Variants in BNIP3 observed in about 807,000 individuals in gnomAD.
The protein encoded by BNIP3 is BCL2/adenovirus E1B 19 kDa protein-interacting protein 3.
BNIP3 carries 16 observed loss-of-function variants against 23.9 expected under a neutral mutation model. The ratio of observed to expected loss-of-function variants is 0.67; its 90% CI spans 0.45 to 1.01. The LOEUF (loss-of-function observed/expected upper bound fraction) is 1.01, where lower values mean the gene tolerates loss of function less well. Among genes scored for constraint, BNIP3 ranks in the 50% least tolerant of loss-of-function variants. The pLI is 0.00. For missense variants in BNIP3, 198 were observed against 248.7 expected (o/e 0.80, Z 1.37); for synonymous variants, 81 against 89.3 (o/e 0.91, Z 0.53).
chr10:131,973,740 A>T, intron 2 of BNIP3, 53 bp downstream of exon 2: 1 of 1,596,316 alleles, frequency 6.3e-7, no homozygotes, highest in Non-Finnish European at 8.6e-7. Context: ...TGTGACTGTC[A>T]CCCACTGAAG....
intron 3 of BNIP3, 77 bp downstream of exon 3, chr10:131,972,957 C>G (rs1035565006): frequency 1.4e-6 from 2 of 1,420,472 alleles, no homozygotes; most frequent in African/African-American, 2.8e-5. Flanking sequence ...CTGAGGTGCT[C>G]AATTACATTT....
chr10:131,978,205 CA>C (rs2037094263), intron 1 of BNIP3, among the ~76,000 whole-genome samples: 1 of 152,038 alleles, frequency 6.6e-6, no homozygotes, highest in African/African-American at 2.4e-5. Flanking sequence ...ACATTGCTAA[CA>C]AGACACACAG....
intron 2 of BNIP3, 143 bp from the exon 3 acceptor site, chr10:131,973,261 A>C: frequency 1.3e-6 from 1 of 773,360 alleles, no homozygotes. Context: ...TCCACCCAGC[A>C]CCTGCCAGAG....
At chr10:131,975,411 C>T (rs2037072338) in intron 1 of BNIP3, among the ~76,000 whole-genome samples, 1 of 152,196 alleles carries the variant, frequency 6.6e-6, no homozygotes, top group Non-Finnish European at 1.5e-5. Flanking sequence ...CCACAAAAGA[C>T]AGGGAAACTT....
intron 3 of BNIP3, among the ~76,000 whole-genome samples, chr10:131,972,021 C>T (rs1263043429): frequency 3.5e-5 from 4 of 114,570 alleles, no homozygotes; most frequent in Admixed American, 1.8e-4. Context: ...TCACCAGCAA[C>T]GAACACCCAA....
intron 2 of BNIP3, 157 bp from the exon 3 acceptor site, chr10:131,973,275 A>G (rs2037054583): frequency 1.4e-6 from 1 of 693,654 alleles, no homozygotes; most frequent in African/African-American, 1.8e-5. Context: ...GCCAGAGCCA[A>G]ACTCTTCCTC....
In BNIP3 at chr10:131,973,305, G is replaced by A. The variant is rs180852673; in HGVS notation, c.198-187C>T. 111 of 587,036 alleles carry A rather than the reference G, an allele frequency of 1.9e-4. 3 individuals are homozygous for A. In the Middle Eastern group the frequency reaches 3.8e-3, roughly 20 times the overall value. 36.4% of individuals were successfully genotyped at this position (587,036 alleles called of 1,614,324 possible). The stretch of plus-strand genomic sequence containing the variant: ...TTCCTCAGCCCTTTTGGCTGAGCAC[G>A]ACAGGAGTGAGCTAGCCAGTCTTCC... On this transcript the variant is annotated intron_variant, in intron 2 of 5. Transcript: ENST00000368636.
rs758214120 is a variant in BNIP3, at chr10:131,970,873, A to G, written c.380T>C (p.Ile127Thr). Reference protein sequence around the residue: ...IWDWSSRPENIPPKEFLFKHP... With the variant: ...IWDWSSRPENTPPKEFLFKHP... Reference sequence around the variant, plus strand: ...CTGAGAACACACTCACTTGGGGGGAATATTTTCCGGCCGACTTGACCAATC... The same window carrying G: ...CTGAGAACACACTCACTTGGGGGGAGTATTTTCCGGCCGACTTGACCAATC... Residue 127 changes from isoleucine to threonine, a missense_variant, in exon 4 of 6, where the codon ATT (isoleucine) becomes ACT (threonine). Physicochemically the swap from Ile to Thr is moderately conservative, Grantham distance 89. Transcript: ENST00000368636. The surrounding 1 kb of genome is among the most constrained non-coding windows in gnomAD (Gnocchi z 4.1). 1.4e-5 allele frequency: 23 copies of G among 1,614,098 alleles called. No individual in the cohort carries two copies. The Admixed American group carries it at 3.5e-4, about 25-fold the overall frequency.
intron 5 of BNIP3, 47 bp from the exon 6 acceptor site, chr10:131,968,616 G>C: frequency 6.6e-7 from 1 of 1,512,252 alleles, no homozygotes. Context: ...TGATTCACAG[G>C]AGACTGTGTT....
intron 1 of BNIP3, among the ~76,000 whole-genome samples, chr10:131,977,041 G>C (rs2133694911): frequency 6.6e-6 from 1 of 152,296 alleles, no homozygotes. Context: ...GGGAGGCCGA[G>C]GCGGGCAGAT....
At chr10:131,974,292 T>C (rs2037063772) in intron 1 of BNIP3, among the ~76,000 whole-genome samples, 1 of 152,202 alleles carries the variant, frequency 6.6e-6, no homozygotes, top group Non-Finnish European at 1.5e-5. Flanking sequence ...AAAAAGGCTA[T>C]TATTTGGAAA....
chr10:131,980,275 A>T (rs1240276361), intron 1 of BNIP3: 1 of 152,236 alleles, frequency 6.6e-6, no homozygotes, highest in African/African-American at 2.4e-5. Flanking sequence ...GTCAGGAGTA[A>T]CGCGGCTTCA....
At chr10:131,973,459 A>G (rs1029511436) in intron 2 of BNIP3, 1 of 430,650 alleles carries the variant, frequency 2.3e-6, no homozygotes, top group Non-Finnish European at 4.3e-6. Context: ...CCTTGGAGTC[A>G]CTCAGAAGTA....
Position 131,970,842 on chromosome 10 carries a change from GTGACAC to G in BNIP3, c.389+16_389+21del. Reference sequence around the variant, plus strand: ...GTGTCCTCTGTCAAGGGGTGCCCCCGTGACACTGAGAACACACTCACTTGGGGGGAA... The same window carrying G: ...GTGTCCTCTGTCAAGGGGTGCCCCCGTGAGAACACACTCACTTGGGGGGAA... On this transcript the variant is annotated intron_variant, in intron 4 of 5. Coordinates refer to ENST00000368636, the MANE Select transcript of BNIP3 (RefSeq NM_004052.4). The surrounding 1 kb of genome is among the most constrained non-coding windows in gnomAD (Gnocchi z 4.1). 3 of 1,614,036 alleles carry G rather than the reference GTGACAC, an allele frequency of 1.9e-6. No homozygotes were observed. Among genetic ancestry groups the G allele is most frequent in the Non-Finnish European group, 2.5e-6 (3 of 1,179,860 alleles).
At chr10:131,972,022 G>A (rs563869747) in intron 3 of BNIP3, among the ~76,000 whole-genome samples, 6 of 100,230 alleles carry the variant, frequency 6.0e-5, no homozygotes, top group East Asian at 5.5e-4. Flanking sequence ...CACCAGCAAC[G>A]AACACCCAAG....
Position 131,976,321 on chromosome 10 carries a change from G to A in BNIP3, c.47-2378C>T, listed in dbSNP as rs939751217. 8.5e-5 allele frequency among the ~76,000 whole-genome samples: 13 copies of A among 152,194 alleles called. No homozygotes were observed. The highest frequency in any genetic ancestry group is 3.1e-4 in the African/African-American group (13 of 41,498). Reference sequence around the variant, plus strand: ...TGGGACACCAAGTCACCACCACCGGGGTGTCCAACGATTCAATTCCATTCT... The same window carrying A: ...TGGGACACCAAGTCACCACCACCGGAGTGTCCAACGATTCAATTCCATTCT... On this transcript the variant is annotated intron_variant, in intron 1 of 5. Coordinates refer to ENST00000368636, the MANE Select transcript of BNIP3 (RefSeq NM_004052.4). The surrounding 1 kb of genome is among the most constrained non-coding windows in gnomAD (Gnocchi z 4.3).
rs1207595944 is a variant in BNIP3, at chr10:131,976,085, G to A, written c.47-2142C>T. ...CTCTCTGCGGTTCAAGATGCCATGC[G>A]GCCGGCTAGCCATGGCCTGCCCCTG... On this transcript the variant is annotated intron_variant, in intron 1 of 5. Coordinates refer to ENST00000368636, the MANE Select transcript of BNIP3 (RefSeq NM_004052.4). The surrounding 1 kb of genome is among the most constrained non-coding windows in gnomAD (Gnocchi z 4.3). 2.0e-5 allele frequency among the ~76,000 whole-genome samples: 3 copies of A among 152,160 alleles called. No individual in the cohort carries two copies. The highest frequency in any genetic ancestry group is 2.4e-5 in the African/African-American group (1 of 41,442).
At position 131,968,354 on chromosome 10, in the gene BNIP3, A is replaced by C; in HGVS notation, c.*170T>G. 1 of 578,420 alleles carries C rather than the reference A, an allele frequency of 1.7e-6. No homozygotes were observed. The highest frequency in any genetic ancestry group is 3.0e-6 in the Non-Finnish European group (1 of 328,288). 35.8% of individuals were successfully genotyped at this position (578,420 alleles called of 1,614,324 possible). On this transcript the variant is annotated 3_prime_UTR_variant, in exon 6 of 6. Coordinates refer to ENST00000368636, the MANE Select transcript of BNIP3 (RefSeq NM_004052.4). ...ATCCCATAGGTGTAATTATAGATCAACATGATTTTAGTGTCTATTCTTTTA... is the reference window on the plus strand; with the variant it reads ...ATCCCATAGGTGTAATTATAGATCACCATGATTTTAGTGTCTATTCTTTTA...
intron 2 of BNIP3, chr10:131,973,555 C>G (rs1298722700): frequency 1.8e-6 from 1 of 561,686 alleles, no homozygotes; most frequent in Non-Finnish European, 3.1e-6. Context: ...TGTGGCTGTT[C>G]CGCTGCCTAC....
Sources: allele counts gnomAD v4.1 joint callset (sites outside exome capture counted in the v4.1 genomes callset), GRCh38; gene constraint gnomAD v4.1.1; non-coding constraint Gnocchi (gnomAD v3.1); transcripts MANE v1.5; gene names NCBI Gene and HGNC (gene_info 2026-07-23, HGNC 2026-07-21).